NKD1: variants seen among roughly 807,000 people sequenced by gnomAD.
NKD1 encodes protein naked cuticle homolog 1.
Under a neutral mutation model 56.0 loss-of-function variants are expected in NKD1, and 21 were observed. That is an observed-to-expected ratio of 0.38 (90% confidence interval 0.27 to 0.54). The LOEUF is 0.54. Ranked by LOEUF, NKD1 falls within the 20% of genes least tolerant of loss-of-function variation. The pLI is 0.82. For synonymous variants in NKD1, 263 were observed against 265.7 expected (o/e 0.99, Z 0.10); for missense variants, 578 against 642.7 (o/e 0.90, Z 1.09).
intron 3 of NKD1, among the ~76,000 whole-genome samples, chr16:50,570,661 C>T (rs1226808162): frequency 2.0e-5 from 3 of 152,212 alleles, no homozygotes; most frequent in Non-Finnish European, 2.9e-5. Flanking sequence ...CACTTAGCTC[C>T]GTAGCTAGCC....
chr16:50,611,247 C>T (rs994216854), intron 4 of NKD1, among the ~76,000 whole-genome samples: 13 of 152,198 alleles, frequency 8.5e-5, no homozygotes, highest in Non-Finnish European at 1.5e-4. Context: ...ACGCTGCCCC[C>T]GCCCAGCTTC....
Position 50,640,444 on chromosome 16 carries a change from G to A in NKD1, c.*6663G>A, listed in dbSNP as rs1344370779. 3 of 152,250 alleles carry A rather than the reference G, an allele frequency of 2.0e-5. No homozygotes were observed. Among genetic ancestry groups the A allele is most frequent in the Non-Finnish European group, 4.4e-5 (3 of 68,066 alleles). The allele number at this position is 152,250 out of a possible 1,614,324, so 9.4% of individuals were successfully genotyped here. A position where few individuals can be genotyped will look rare whatever the true frequency, so the allele number is the denominator to read the frequency against. ...TGGAGCCACCTTAGCTGGTGCCTAG[G>A]CAGAGGGGCAGTCAGCAGTGGTTAT... is the stretch of plus-strand genomic sequence containing the variant. On this transcript the variant is annotated 3_prime_UTR_variant, in exon 10 of 10. Coordinates refer to ENST00000268459, the MANE Select transcript of NKD1 (RefSeq NM_033119.5).
intron 3 of NKD1, among the ~76,000 whole-genome samples, chr16:50,589,761 T>TCTCTTCTCTTCTCTCCTCTC: frequency 2.1e-5 from 1 of 47,858 alleles, no homozygotes; most frequent in Non-Finnish European, 4.2e-5. Context: ...TCTCTTCTCT[T>TCTCTTCTCTTCTCTCCTCTC]CTCTCCTCTC....
chr16:50,564,874 A>G (rs539280141), intron 3 of NKD1, among the ~76,000 whole-genome samples: 2 of 152,154 alleles, frequency 1.3e-5, no homozygotes, highest in Non-Finnish European at 2.9e-5. Context: ...TATGCAGTAC[A>G]CAGGAAGCCT....
At chr16:50,614,389 C>T (rs996428687) in intron 4 of NKD1, among the ~76,000 whole-genome samples, 1 of 152,132 alleles carries the variant, frequency 6.6e-6, no homozygotes, top group South Asian at 2.1e-4. Flanking sequence ...CACACACACA[C>T]GTATACTCAC....
chr16:50,563,351 A>G (rs12922993), intron 3 of NKD1, among the ~76,000 whole-genome samples: 178 of 110,648 alleles, frequency 1.6e-3, no homozygotes, highest in Middle Eastern at 0.013. Context: ...TCCATCCTCA[A>G]TGGGCACAGC....
At chr16:50,587,942 C>T (rs546952662) in intron 3 of NKD1, among the ~76,000 whole-genome samples, 5 of 152,206 alleles carry the variant, frequency 3.3e-5, no homozygotes, top group South Asian at 2.1e-4. Context: ...AGTTTCATCC[C>T]GAAACCGTCT....
chr16:50,595,570 C>T (rs952236409), intron 3 of NKD1, among the ~76,000 whole-genome samples: 3 of 152,112 alleles, frequency 2.0e-5, no homozygotes, highest in Admixed American at 6.5e-5. Context: ...GGGAGTGCTC[C>T]GTTTCTCCCA....
rs147344980 is a variant in NKD1, at chr16:50,623,836, G to A, written c.367-1649G>A. On this transcript the variant is annotated intron_variant, in intron 5 of 9. Coordinates refer to ENST00000268459, the MANE Select transcript of NKD1 (RefSeq NM_033119.5). This position sits in a 1 kb window ranked among gnomAD's most constrained non-coding sequence, Gnocchi z 4.1. Reference sequence around the variant, plus strand: ...TGTAGGTATGCGTGTGTGTAGGTACGTGTGTAGGGGTATGCGTGTGTGTGT... The same window carrying A: ...TGTAGGTATGCGTGTGTGTAGGTACATGTGTAGGGGTATGCGTGTGTGTGT... 5.9e-5 allele frequency among the ~76,000 whole-genome samples: 9 copies of A among 151,440 alleles called. No homozygotes were observed. Among genetic ancestry groups the A allele is most frequent in the African/African-American group, 9.7e-5 (4 of 41,268 alleles).
chr16:50,617,986 G>A lies in NKD1; in HGVS notation c.260-3616G>A, dbSNP rs191110886. Among the ~76,000 whole-genome samples the A allele has an allele frequency of 3.3e-3, 501 of 152,248 alleles. 4 individuals carry two copies. In the Middle Eastern group the frequency reaches 0.034, roughly 10 times the overall value. On this transcript the variant is annotated intron_variant, in intron 4 of 9. Coordinates refer to ENST00000268459, the MANE Select transcript of NKD1 (RefSeq NM_033119.5). ...CAGTTCAACTCTGCTGTCACAGAGT[G>A]AAAGAAGCCATGGACAATGCAGATG...
chr16:50,569,446 C>G (rs1452880139), intron 3 of NKD1, among the ~76,000 whole-genome samples: 5 of 152,190 alleles, frequency 3.3e-5, no homozygotes, highest in Admixed American at 3.3e-4. Flanking sequence ...CACGCCCTCC[C>G]TGAAGCCCTC....
At position 50,633,115 on chromosome 16, in the gene NKD1, G is replaced by T. The variant is rs1323046025; in HGVS notation, c.824-77G>T. ...CTCTGGTTTTGGAGAACTGGGGGCG[G>T]GGGTGATGTCTGGGGTATAGCGCAA... On this transcript the variant is annotated intron_variant, in intron 9 of 9. Transcript: ENST00000268459. This position sits in a 1 kb window ranked among gnomAD's most constrained non-coding sequence, Gnocchi z 4.9. The T allele has an allele frequency of 5.9e-5, 79 of 1,343,580 alleles. No homozygotes were observed. The East Asian group carries it at 2.0e-3, about 35-fold the overall frequency. 83.2% of individuals were successfully genotyped at this position (1,343,580 alleles called of 1,614,324 possible). A position where few individuals can be genotyped will look rare whatever the true frequency, so the allele number is the denominator to read the frequency against.
At chr16:50,600,699 G>A (rs1367631057) in intron 3 of NKD1, among the ~76,000 whole-genome samples, 1 of 152,174 alleles carries the variant, frequency 6.6e-6, no homozygotes, top group Non-Finnish European at 1.5e-5. Context: ...TTTGGTGACT[G>A]AGGCTGGCTG....
At chr16:50,556,410 C>T (rs59208562) in intron 3 of NKD1, 22,751 of 152,374 alleles carry the variant, frequency 0.15, 3,114 homozygotes, top group African/African-American at 0.36. Context: ...CTCAGGTCTC[C>T]GCACTGAAGT....
intron 3 of NKD1, among the ~76,000 whole-genome samples, chr16:50,585,779 C>T (rs1229501589): frequency 6.6e-6 from 1 of 152,194 alleles, no homozygotes; most frequent in Non-Finnish European, 1.5e-5. Flanking sequence ...TAACTGATAG[C>T]AGTGGGAAGG....
At chr16:50,610,210 C>A (rs1233512490) in intron 4 of NKD1, among the ~76,000 whole-genome samples, 3 of 152,166 alleles carry the variant, frequency 2.0e-5, no homozygotes, top group East Asian at 1.9e-4. Context: ...AATCAAAAAA[C>A]CACAATTATG....
intron 3 of NKD1, chr16:50,551,849 G>A (rs575592646): frequency 6.6e-6 from 1 of 152,200 alleles, no homozygotes; most frequent in East Asian, 1.9e-4. Context: ...AAAATATTAA[G>A]TACAAGTGGT....
At chr16:50,615,183 G>A (rs903085489) in intron 4 of NKD1, among the ~76,000 whole-genome samples, 2 of 152,206 alleles carry the variant, frequency 1.3e-5, no homozygotes, top group Non-Finnish European at 2.9e-5. Context: ...CTGAGAGAGT[G>A]GACAGGCCAG....
chr16:50,643,729 G>C lies in NKD1; in HGVS notation c.*9948G>C, dbSNP rs1171476261. 6.6e-6 allele frequency: 1 copy of C among 152,202 alleles called. No homozygotes were observed. The highest frequency in any genetic ancestry group is 2.4e-5 in the African/African-American group (1 of 41,444). The allele number at this position is 152,202 out of a possible 1,614,324, so 9.4% of individuals were successfully genotyped here. A position where few individuals can be genotyped will look rare whatever the true frequency, so the allele number is the denominator to read the frequency against. On this transcript the variant is annotated 3_prime_UTR_variant, in exon 10 of 10. Transcript: ENST00000268459. ...GTCACAACATTTTCATTACCAATCAGTGCATAACCTTGTTTTATGTGTGCT... is the reference window on the plus strand; with the variant it reads ...GTCACAACATTTTCATTACCAATCACTGCATAACCTTGTTTTATGTGTGCT...
Sources: allele counts gnomAD v4.1 joint callset (sites outside exome capture counted in the v4.1 genomes callset), GRCh38; gene constraint gnomAD v4.1.1; non-coding constraint Gnocchi (gnomAD v3.1); transcripts MANE v1.5; gene names NCBI Gene and HGNC (gene_info 2026-07-23, HGNC 2026-07-21).